PTPN22: variants seen among roughly 807,000 people sequenced by gnomAD.
PTPN22 encodes tyrosine-protein phosphatase non-receptor type 22.
A neutral mutation model predicts 103.3 loss-of-function variants in PTPN22; 85 were observed. That is an observed-to-expected ratio of 0.82 (90% CI 0.69 to 0.99). The LOEUF (loss-of-function observed/expected upper bound fraction) is 0.99. Ranked by LOEUF, PTPN22 falls within the 50% of genes least tolerant of loss-of-function variation. The pLI is 0.00. For synonymous variants in PTPN22, 323 were observed against 310.2 expected (o/e 1.04, Z -0.43); for missense variants, 865 against 936.9 (o/e 0.92, Z 1.00).
At chr1:113,838,137 C>G (rs530513383) in exon 13 of PTPN22, 1 of 1,614,098 alleles carries the variant, frequency 6.2e-7, no homozygotes, top group South Asian at 1.1e-5. Flanking sequence ...ATCCCTCAAA[C>G]AAAAGAGAGC....
intron 15 of PTPN22, among the ~76,000 whole-genome samples, chr1:113,833,344 G>A (rs1662717733): frequency 6.6e-6 from 1 of 152,030 alleles, no homozygotes; most frequent in African/African-American, 2.4e-5. Flanking sequence ...ATATCCCATG[G>A]CAATTAGTCC....
intron 16 of PTPN22, among the ~76,000 whole-genome samples, chr1:113,832,243 A>C (rs947840676): frequency 3.3e-5 from 5 of 152,154 alleles, no homozygotes; most frequent in African/African-American, 1.2e-4. Flanking sequence ...GCTGGTGTGC[A>C]GTGGCGCAAT....
chr1:113,856,524 C>T, intron 6 of PTPN22, 24 bp downstream of exon 6: 1 of 1,614,144 alleles, frequency 6.2e-7, no homozygotes, highest in Non-Finnish European at 8.5e-7. Context: ...TTTACTCAGA[C>T]ATGAGAACAG....
At chr1:113,845,207 T>C (rs1237999712) in intron 11 of PTPN22, among the ~76,000 whole-genome samples, 4 of 151,552 alleles carry the variant, frequency 2.6e-5, no homozygotes. Flanking sequence ...TTTGTTTTTT[T>C]TTTTTTTGAG....
intron 11 of PTPN22, among the ~76,000 whole-genome samples, chr1:113,840,384 C>T (rs1227605601): frequency 6.6e-6 from 1 of 152,054 alleles, no homozygotes; most frequent in Non-Finnish European, 1.5e-5. Flanking sequence ...CATTTCTATA[C>T]ATTAGCAATG....
chr1:113,834,940 G>A (rs1394092397), exon 14 of PTPN22: 4 of 1,581,482 alleles, frequency 2.5e-6, no homozygotes, highest in Non-Finnish European at 3.4e-6. Context: ...AATGATTCAG[G>A]TGTCCATACA....
chr1:113,857,573 GA>G (rs11386228), intron 5 of PTPN22, 164 bp downstream of exon 5: 533 of 509,926 alleles, frequency 1.0e-3, no homozygotes, highest in East Asian at 2.0e-3. Context: ...ATTCTTAGGA[GA>G]AAAAAAAAAT....
At chr1:113,834,800 ACTC>A (rs1662838928) in intron 14 of PTPN22, 107 bp downstream of exon 14, 1 of 889,984 alleles carries the variant, frequency 1.1e-6, no homozygotes, top group Non-Finnish European at 1.8e-6. Flanking sequence ...GCCTCAATGA[ACTC>A]CTCAAACTCA....
intron 20 of PTPN22, among the ~76,000 whole-genome samples, chr1:113,819,134 G>A (rs1428166775): frequency 6.6e-6 from 1 of 152,172 alleles, no homozygotes; most frequent in Non-Finnish European, 1.5e-5. Flanking sequence ...CTTATACTTA[G>A]GAGCAATTGG....
intron 1 of PTPN22, among the ~76,000 whole-genome samples, chr1:113,864,704 A>T (rs983208843): frequency 2.6e-5 from 4 of 151,464 alleles, no homozygotes; most frequent in Non-Finnish European, 5.9e-5. Context: ...AGGTCGGGAG[A>T]TCGAGAGACC....
intron 18 of PTPN22, among the ~76,000 whole-genome samples, chr1:113,827,380 T>C (rs535150648): frequency 6.6e-6 from 1 of 152,326 alleles, no homozygotes; most frequent in South Asian, 2.1e-4. Context: ...TTATCCTCTG[T>C]TGTTAGTATC....
In PTPN22 at chr1:113,868,112, G is replaced by T. The variant is rs1038251288; in HGVS notation, c.87+3425C>A. Among the ~76,000 whole-genome samples, 9 of 151,244 alleles carry T rather than the reference G, an allele frequency of 6.0e-5. No homozygotes were observed. In the East Asian group the frequency reaches 1.7e-3, roughly 29 times the overall value. ...TTTGGTATTTTTTTCAAATATTTTT[G>T]ATCCATAGTTGGTTGAATCCAAGGA... On this transcript the variant is annotated intron_variant, in intron 1 of 20. Coordinates refer to ENST00000359785, the Ensembl canonical transcript of PTPN22.
At chr1:113,838,314 A>G in exon 13 of PTPN22, 2 of 1,612,704 alleles carry the variant, frequency 1.2e-6, no homozygotes, top group Non-Finnish European at 1.7e-6. Flanking sequence ...CTTCTTTTGC[A>G]CTTATTTCAG....
chr1:113,866,511 AAACAACAAC>A lies in PTPN22; in HGVS notation c.87+5017_87+5025del, dbSNP rs374580486. Among the ~76,000 whole-genome samples the A allele has an allele frequency of 8.6e-5, 13 of 150,922 alleles. No individual in the cohort carries two copies. In the East Asian group the frequency reaches 9.7e-4, roughly 11 times the overall value. On this transcript the variant is annotated intron_variant, in intron 1 of 20. Coordinates refer to ENST00000359785, the Ensembl canonical transcript of PTPN22. ...GGTGACAGAGTGAGACTCCATCTCA[AAACAACAAC>A]AACAACAACAACAACAACAAAACCC...
intron 1 of PTPN22, among the ~76,000 whole-genome samples, chr1:113,870,116 C>G (rs1666455565): frequency 6.6e-6 from 1 of 152,116 alleles, no homozygotes; most frequent in Non-Finnish European, 1.5e-5. Context: ...TAGAACTGAA[C>G]TTGGTACATA....
At chr1:113,827,522 C>T (rs1204080707) in intron 18 of PTPN22, among the ~76,000 whole-genome samples, 1 of 151,884 alleles carries the variant, frequency 6.6e-6, no homozygotes, top group East Asian at 1.9e-4. Context: ...CACAGTATTC[C>T]ATTTGTATGG....
At chr1:113,871,388 G>C in intron 1 of PTPN22, 149 bp downstream of exon 1, 1 of 597,310 alleles carries the variant, frequency 1.7e-6, no homozygotes, top group Non-Finnish European at 3.0e-6. Context: ...AAACCACTCA[G>C]AGAAGTCAAA....
intron 11 of PTPN22, among the ~76,000 whole-genome samples, chr1:113,848,329 AG>A (rs1293697924): frequency 2.0e-5 from 3 of 152,184 alleles, no homozygotes; most frequent in African/African-American, 7.2e-5. Flanking sequence ...TACAGGTGTG[AG>A]CCACCGGACT....
At chr1:113,866,196 G>A (rs191901906) in intron 1 of PTPN22, among the ~76,000 whole-genome samples, 1 of 152,068 alleles carries the variant, frequency 6.6e-6, no homozygotes, top group African/African-American at 2.4e-5. Flanking sequence ...TCTCTATTAT[G>A]ATTATTATTC....
Sources: allele counts gnomAD v4.1 joint callset (sites outside exome capture counted in the v4.1 genomes callset), GRCh38; gene constraint gnomAD v4.1.1; transcripts MANE v1.5; gene names NCBI Gene and HGNC (gene_info 2026-07-23, HGNC 2026-07-21).